ZNF804B: variants seen among roughly 807,000 people sequenced by gnomAD.
ZNF804B encodes the protein zinc finger 804B.
Under a neutral mutation model 101.4 loss-of-function variants are expected in ZNF804B, and 80 were observed. The ratio of observed to expected loss-of-function variants is 0.79; its 90% CI spans 0.66 to 0.95. ZNF804B has a LOEUF of 0.95. Among genes scored for constraint, ZNF804B ranks in the 40% least tolerant of loss-of-function variants. The pLI is 0.00. For synonymous variants in ZNF804B, 622 were observed against 558.8 expected (o/e 1.11, Z -1.59); for missense variants, 1,673 against 1,561.9 (o/e 1.07, Z -1.20).
chr7:88,994,272 G>T (rs1346161681), intron 1 of ZNF804B, among the ~76,000 whole-genome samples: 1 of 151,824 alleles, frequency 6.6e-6, no homozygotes, highest in African/African-American at 2.4e-5. Context: ...GGCACAGGTT[G>T]TTTATGTAAA....
At chr7:89,259,963 C>T (rs1435867834) in intron 2 of ZNF804B, among the ~76,000 whole-genome samples, 4 of 149,666 alleles carry the variant, frequency 2.7e-5, no homozygotes, top group East Asian at 2.0e-4. Flanking sequence ...CCAACCTGGG[C>T]GACAAAGCGA....
chr7:89,258,471 A>T (rs1030140996), intron 2 of ZNF804B, among the ~76,000 whole-genome samples: 8 of 152,210 alleles, frequency 5.3e-5, no homozygotes, highest in Non-Finnish European at 1.2e-4. Context: ...AAAATAATTT[A>T]GGAAAAGCCA....
intron 2 of ZNF804B, among the ~76,000 whole-genome samples, chr7:89,230,945 C>T (rs1210552011): frequency 6.6e-6 from 1 of 151,950 alleles, no homozygotes; most frequent in Non-Finnish European, 1.5e-5. Context: ...TGGTTGCTTG[C>T]CTTATTGTTT....
At chr7:89,147,101 A>ATATATATATATATT (rs1790803678) in intron 1 of ZNF804B, among the ~76,000 whole-genome samples, 1 of 150,030 alleles carries the variant, frequency 6.7e-6, no homozygotes, top group African/African-American at 2.4e-5. Flanking sequence ...ATATATATAT[A>ATATATATATATATT]TTTAATGTTT....
Position 89,218,223 on chromosome 7 carries a change from A to G in ZNF804B, c.177A>G (p.Leu59=). 7.4e-6 allele frequency: 12 copies of G among 1,613,924 alleles called. No individual in the cohort carries two copies. The highest frequency in any genetic ancestry group is 1.0e-5 in the Non-Finnish European group (12 of 1,179,866). Residue 59 remains leucine (L), a synonymous_variant, in exon 2 of 4, where the codon TTA becomes TTG. Transcript: ENST00000333190. ...EDVKANFYCE[L]CDKQYHKHQE... is the part of the protein sequence containing the mutation. ...TAAAGGCAAACTTTTACTGTGAATT[A>G]TGTGACAAGCAGTATCACAAACACC...
chr7:89,075,324 C>G (rs1562877527), intron 1 of ZNF804B, among the ~76,000 whole-genome samples: 1 of 152,138 alleles, frequency 6.6e-6, no homozygotes, highest in Non-Finnish European at 1.5e-5. Context: ...TAGGCCAGGC[C>G]CTGGGTCCCT....
At position 89,134,089 on chromosome 7, in the gene ZNF804B, A is replaced by G. The variant is rs78586513; in HGVS notation, c.109-84066A>G. 4.2e-3 allele frequency among the ~76,000 whole-genome samples: 635 copies of G among 152,176 alleles called. 2 individuals carry two copies. Among genetic ancestry groups the G allele is most frequent in the Non-Finnish European group, 7.5e-3 (512 of 67,988 alleles). ...TTAGTCACCCAATTTAAGAAAAACA[A>G]AAAAAGAACACTGTCCCCAACAAAA... On this transcript the variant is annotated intron_variant, in intron 1 of 3. Coordinates refer to ENST00000333190, the MANE Select transcript of ZNF804B (RefSeq NM_181646.5).
At chr7:89,103,202 T>A (rs1025800883) in intron 1 of ZNF804B, among the ~76,000 whole-genome samples, 16 of 151,164 alleles carry the variant, frequency 1.1e-4, no homozygotes, top group Non-Finnish European at 2.2e-4. Context: ...GGCTTTTTTT[T>A]TTTCCTGGTT....
intron 1 of ZNF804B, among the ~76,000 whole-genome samples, chr7:89,164,321 T>A (rs1338078409): frequency 1.3e-5 from 2 of 152,054 alleles, no homozygotes; most frequent in Non-Finnish European, 2.9e-5. Context: ...TAGTTATACA[T>A]CAGGACCCAT....
intron 1 of ZNF804B, among the ~76,000 whole-genome samples, chr7:88,923,390 T>G (rs1218023241): frequency 6.6e-6 from 1 of 152,176 alleles, no homozygotes; most frequent in Admixed American, 6.6e-5. Flanking sequence ...TCTGGACAAT[T>G]GTCTTCTAAT....
chr7:88,813,296 G>T (rs1420750629), intron 1 of ZNF804B, among the ~76,000 whole-genome samples: 1 of 151,534 alleles, frequency 6.6e-6, no homozygotes, highest in East Asian at 1.9e-4. Flanking sequence ...GCGTGGTGGC[G>T]GGCGCATGTA....
chr7:88,800,692 T>TG (rs1790564657), intron 1 of ZNF804B, among the ~76,000 whole-genome samples: 1 of 146,600 alleles, frequency 6.8e-6, no homozygotes, highest in Non-Finnish European at 1.5e-5. Flanking sequence ...TAGATATGAT[T>TG]TGTGTGTGTG....
rs185853539 is a variant in ZNF804B, at chr7:89,083,484, G to A, written c.109-134671G>A. On this transcript the variant is annotated intron_variant, in intron 1 of 3. Transcript: ENST00000333190. The stretch of plus-strand genomic sequence containing the variant: ...ATAAATAAATAAAAGACTAAGGCAA[G>A]AATAAATGGCATTGATTATTATTGT... 3.1e-3 allele frequency among the ~76,000 whole-genome samples: 464 copies of A among 151,714 alleles called. 1 individual carries two copies. The highest frequency in any genetic ancestry group is 8.0e-3 in the Admixed American group (121 of 15,166).
rs1417038856 is a variant in ZNF804B, at chr7:89,065,901, CATTTCT to C, written c.109-152252_109-152247del. Among the ~76,000 whole-genome samples the C allele has an allele frequency of 2.0e-5, 3 of 152,228 alleles. No individual in the cohort carries two copies. The East Asian group carries it at 5.8e-4, about 30-fold the overall frequency. On this transcript the variant is annotated intron_variant, in intron 1 of 3. Coordinates refer to ENST00000333190, the MANE Select transcript of ZNF804B (RefSeq NM_181646.5). ...TCCTGATAACCCAGGATAATCTTCC[CATTTCT>C]AAGTGCTTAATTTAATCACATCTGC...
intron 1 of ZNF804B, among the ~76,000 whole-genome samples, chr7:88,841,234 T>G (rs533758616): frequency 2.0e-5 from 3 of 152,176 alleles, no homozygotes; most frequent in Non-Finnish European, 4.4e-5. Context: ...ACACTGGATC[T>G]TAGGGTGATG....
intron 1 of ZNF804B, among the ~76,000 whole-genome samples, chr7:89,185,583 G>A (rs953348957): frequency 1.3e-5 from 2 of 152,224 alleles, no homozygotes; most frequent in African/African-American, 2.4e-5. Flanking sequence ...GGATCTGGTC[G>A]GGCGCGGTGG....
intron 1 of ZNF804B, among the ~76,000 whole-genome samples, chr7:89,149,302 C>A (rs1053137468): frequency 4.1e-4 from 62 of 152,104 alleles, no homozygotes; most frequent in African/African-American, 1.3e-3. Context: ...CTTGTCTTTG[C>A]AAGTAGGATC....
chr7:88,854,527 T>TTCCCTTCCCTTCCCTTCCCTCCC (rs1554340248), intron 1 of ZNF804B, among the ~76,000 whole-genome samples: 1 of 40,076 alleles, frequency 2.5e-5, no homozygotes, highest in African/African-American at 1.0e-4. Context: ...CTTTCCTTCC[T>TTCCCTTCCCTTCCCTTCCCTCCC]TTCCTTCCTT....
chr7:89,085,195 T>A (rs889333613), intron 1 of ZNF804B, among the ~76,000 whole-genome samples: 1 of 151,966 alleles, frequency 6.6e-6, no homozygotes, highest in African/African-American at 2.4e-5. Flanking sequence ...GGAACATTCA[T>A]AAATTGACAT....
Sources: allele counts gnomAD v4.1 joint callset (sites outside exome capture counted in the v4.1 genomes callset), GRCh38; gene constraint gnomAD v4.1.1; transcripts MANE v1.5; gene names NCBI Gene and HGNC (gene_info 2026-07-23, HGNC 2026-07-21).